PCDH15: variants seen among roughly 807,000 people sequenced by gnomAD.
PCDH15 encodes protocadherin-15.
PCDH15 carries 129 observed loss-of-function variants against 178.5 expected under a neutral mutation model. That is an observed-to-expected ratio of 0.72 (90% CI 0.63 to 0.84). The LOEUF is 0.84. Among genes scored for constraint, PCDH15 ranks in the 40% least tolerant of loss-of-function variants. PCDH15 has a pLI of 0.00. For missense variants in PCDH15, 2,230 were observed against 2,099.9 expected (o/e 1.06, Z -1.21); for synonymous variants, 800 against 732.0 (o/e 1.09, Z -1.50).
In PCDH15 at chr10:54,808,943, G is replaced by GAA. The variant is rs61057226; in HGVS notation, c.-29+88505_-29+88506dup. Among the ~76,000 whole-genome samples the GAA allele has an allele frequency of 1.4e-3, 195 of 135,566 alleles. 1 individual carries two copies. Among genetic ancestry groups the GAA allele is most frequent in the African/African-American group, 4.9e-3 (183 of 36,994 alleles). The allele number at this position is 135,566 out of a possible 152,430, so 88.9% of individuals were successfully genotyped here. ...GAGAGAATTTAAGTGGCTGGGAAAA[G>GAA]AAAAAAAAAAAAACCAACACAGATT... On this transcript the variant is annotated intron_variant, in intron 3 of 5. Coordinates refer to the PCDH15 transcript ENST00000458638.
intron 2 of PCDH15, among the ~76,000 whole-genome samples, chr10:55,469,396 A>C (rs1839909199): frequency 6.6e-6 from 1 of 152,134 alleles, no homozygotes; most frequent in Non-Finnish European, 1.5e-5. Context: ...GTATATATGT[A>C]TGCATATATC....
chr10:54,122,070 G>T (rs1002431758), intron 15 of PCDH15, among the ~76,000 whole-genome samples: 2 of 146,562 alleles, frequency 1.4e-5, no homozygotes, highest in African/African-American at 5.2e-5. Flanking sequence ...GAAACTACTG[G>T]CCCATGCCTC....
chr10:53,806,730 C>T lies in PCDH15; in HGVS notation c.5072G>A (p.Arg1691Lys), dbSNP rs569757113. 12 of 1,613,724 alleles carry T rather than the reference C, an allele frequency of 7.4e-6. No homozygotes were observed. Among genetic ancestry groups the T allele is most frequent in the East Asian group, 2.2e-5 (1 of 44,886 alleles). ...DNTAVKPLRN[R>K]LKSTVEQESM... is the part of the protein sequence containing the mutation. ...CTCCTGTTCAACTGTGCTTTTCAGC[C>T]TGTTCCTTAGTGGCTTCACCGCTGT... The change falls in exon 38 of 38, where the codon AGG (arginine) becomes AAG (lysine). Residue 1691 changes from arginine (R) to lysine (K), a missense_variant. Transcript: ENST00000644397.
At chr10:54,520,854 C>T (rs1295683880) in intron 3 of PCDH15, among the ~76,000 whole-genome samples, 1 of 151,060 alleles carries the variant, frequency 6.6e-6, no homozygotes, top group Non-Finnish European at 1.5e-5. Flanking sequence ...GAAAATGTGG[C>T]ACATATACAC....
intron 2 of PCDH15, among the ~76,000 whole-genome samples, chr10:54,644,453 A>G (rs913927286): frequency 6.6e-6 from 1 of 151,918 alleles, no homozygotes; most frequent in Non-Finnish European, 1.5e-5. Context: ...AACTTGCAAC[A>G]TGTCATATTA....
chr10:54,955,393 T>C (rs1481381018), intron 2 of PCDH15, among the ~76,000 whole-genome samples: 2 of 151,390 alleles, frequency 1.3e-5, no homozygotes, highest in Non-Finnish European at 3.0e-5. Context: ...TATTTTGGTT[T>C]TTGTAAGCAT....
chr10:54,599,515 A>G (rs553164165), intron 2 of PCDH15, among the ~76,000 whole-genome samples: 1 of 152,264 alleles, frequency 6.6e-6, no homozygotes, highest in East Asian at 1.9e-4. Flanking sequence ...TTCAAAATGT[A>G]TTAAATACTT....
At chr10:54,773,062 GAC>G (rs1949280089) in intron 1 of PCDH15, among the ~76,000 whole-genome samples, 1 of 151,534 alleles carries the variant, frequency 6.6e-6, no homozygotes, top group African/African-American at 2.4e-5. Flanking sequence ...AGAACACACG[GAC>G]ACATGGGGAA....
intron 3 of PCDH15, among the ~76,000 whole-genome samples, chr10:54,517,330 G>C (rs567138666): frequency 1.8e-4 from 28 of 151,956 alleles, no homozygotes; most frequent in African/African-American, 5.3e-4. Flanking sequence ...CATGTGCAGA[G>C]ACACACATAG....
chr10:54,655,199 G>A (rs1324945245), intron 2 of PCDH15, among the ~76,000 whole-genome samples: 2 of 145,968 alleles, frequency 1.4e-5, no homozygotes, highest in East Asian at 4.3e-4. Flanking sequence ...CACAGAGCGA[G>A]ACTCCGTCAA....
intron 1 of PCDH15, among the ~76,000 whole-genome samples, chr10:55,231,531 A>T (rs945375865): frequency 6.6e-6 from 1 of 152,104 alleles, no homozygotes; most frequent in Admixed American, 6.5e-5. Context: ...CGTCTAAAAC[A>T]AAATTGGCAA....
At chr10:55,311,418 T>A (rs1843584014) in intron 1 of PCDH15, among the ~76,000 whole-genome samples, 1 of 152,202 alleles carries the variant, frequency 6.6e-6, no homozygotes, top group South Asian at 2.1e-4. Flanking sequence ...CTTGATCATC[T>A]TGAATACAGT....
At chr10:54,970,171 C>A (rs1034460124) in intron 2 of PCDH15, among the ~76,000 whole-genome samples, 3 of 152,170 alleles carry the variant, frequency 2.0e-5, no homozygotes, top group African/African-American at 7.2e-5. Flanking sequence ...CCTCACTGGA[C>A]ACTGAACCTG....
chr10:55,164,276 T>C (rs1421353970), intron 2 of PCDH15, among the ~76,000 whole-genome samples: 1 of 152,002 alleles, frequency 6.6e-6, no homozygotes, highest in African/African-American at 2.4e-5. Context: ...TATAACTGGG[T>C]TTCACCTATT....
chr10:54,204,508 G>A (rs2050579484), intron 10 of PCDH15, among the ~76,000 whole-genome samples: 1 of 152,016 alleles, frequency 6.6e-6, no homozygotes, highest in Non-Finnish European at 1.5e-5. Flanking sequence ...AAATCTGGTT[G>A]TTAGTTACAT....
At chr10:54,981,576 C>T (rs1219522) in intron 2 of PCDH15, among the ~76,000 whole-genome samples, 1,539 of 152,130 alleles carry the variant, frequency 0.01, 31 homozygotes, top group African/African-American at 0.035. Flanking sequence ...GAGATAATAA[C>T]GAAGAGATTT....
intron 2 of PCDH15, among the ~76,000 whole-genome samples, chr10:55,470,363 AG>A (rs1029422338): frequency 6.6e-6 from 1 of 152,010 alleles, no homozygotes; most frequent in African/African-American, 2.4e-5. Flanking sequence ...AAAAAAAAAA[AG>A]GTCAAGTATT....
intron 3 of PCDH15, among the ~76,000 whole-genome samples, chr10:54,434,638 T>C (rs890614053): frequency 6.6e-6 from 1 of 152,184 alleles, no homozygotes; most frequent in Non-Finnish European, 1.5e-5. Context: ...GTTCACACAA[T>C]GACAAAATCA....
At chr10:54,061,205 C>T (rs2094006296) in intron 18 of PCDH15, among the ~76,000 whole-genome samples, 1 of 152,086 alleles carries the variant, frequency 6.6e-6, no homozygotes, top group Non-Finnish European at 1.5e-5. Flanking sequence ...TAGTAAGAGG[C>T]CTCTCATATC....
Sources: allele counts gnomAD v4.1 joint callset (sites outside exome capture counted in the v4.1 genomes callset), GRCh38; gene constraint gnomAD v4.1.1; transcripts MANE v1.5; gene names NCBI Gene and HGNC (gene_info 2026-07-23, HGNC 2026-07-21).